ZNF385D: variants seen among roughly 807,000 people sequenced by gnomAD.
ZNF385D encodes zinc finger protein 385D, also known as zinc finger protein 659.
ZNF385D carries 15 observed loss-of-function variants against 35.8 expected under a neutral mutation model. The ratio of observed to expected loss-of-function variants is 0.42; its 90% confidence interval spans 0.28 to 0.64. ZNF385D has a LOEUF of 0.64. Ranked by LOEUF, ZNF385D falls within the 30% of genes least tolerant of loss-of-function variation. The pLI is 0.23. For synonymous variants in ZNF385D, 212 were observed against 186.8 expected (o/e 1.13, Z -1.10); for missense variants, 474 against 494.6 (o/e 0.96, Z 0.39).
chr3:22,162,527 A>G (rs1706028521), intron 3 of ZNF385D, among the ~76,000 whole-genome samples: 1 of 152,156 alleles, frequency 6.6e-6, no homozygotes, highest in African/African-American at 2.4e-5. Flanking sequence ...TTCTGAGGGC[A>G]GCTCTGAGTT....
At chr3:22,238,000 C>G (rs1225526774) in intron 2 of ZNF385D, among the ~76,000 whole-genome samples, 1 of 150,826 alleles carries the variant, frequency 6.6e-6, no homozygotes, top group Non-Finnish European at 1.5e-5. Flanking sequence ...AGGTAGGGGT[C>G]CAACTTTATT....
chr3:22,014,285 C>G (rs801479), intron 3 of ZNF385D, among the ~76,000 whole-genome samples: 124,206 of 152,046 alleles, frequency 0.82, 51,877 homozygotes, highest in African/African-American at 0.95. Context: ...GACTGAATCA[C>G]TGTATGGGAA....
chr3:21,761,869 CTTTTTTTTTTTTT>C (rs58790934), intron 3 of ZNF385D, among the ~76,000 whole-genome samples: 2 of 77,188 alleles, frequency 2.6e-5, no homozygotes, highest in Admixed American at 1.9e-4. Flanking sequence ...CATTTTCTTC[CTTTTTTTTTTTTT>C]TTTTTTTTTT....
intron 2 of ZNF385D, among the ~76,000 whole-genome samples, chr3:22,240,201 A>AG (rs1553635045): frequency 0.011 from 1,332 of 120,974 alleles, 121 homozygotes; most frequent in African/African-American, 0.026. Flanking sequence ...AAAAAAAAAA[A>AG]AAGATTTCAG....
At chr3:22,184,089 T>C (rs996431802) in intron 2 of ZNF385D, among the ~76,000 whole-genome samples, 2 of 152,128 alleles carry the variant, frequency 1.3e-5, no homozygotes, top group African/African-American at 2.4e-5. Flanking sequence ...TTACTTACAG[T>C]AGTGGTACAA....
At chr3:22,094,410 A>ATATATAT (rs1386186822) in intron 3 of ZNF385D, among the ~76,000 whole-genome samples, 4 of 83,418 alleles carry the variant, frequency 4.8e-5, no homozygotes, top group African/African-American at 1.6e-4. Context: ...ATATATATAT[A>ATATATAT]AAGGCATTTG....
At chr3:21,524,827 AG>A (rs1708126855) in intron 3 of ZNF385D, among the ~76,000 whole-genome samples, 1 of 152,344 alleles carries the variant, frequency 6.6e-6, no homozygotes, top group South Asian at 2.1e-4. Context: ...GTATTAATCA[AG>A]GGCTGACTAT....
At chr3:22,130,744 T>G (rs1703737092) in intron 3 of ZNF385D, among the ~76,000 whole-genome samples, 1 of 152,168 alleles carries the variant, frequency 6.6e-6, no homozygotes, top group Non-Finnish European at 1.5e-5. Context: ...TTCCTGCTTC[T>G]TTCCTTGATA....
intron 2 of ZNF385D, among the ~76,000 whole-genome samples, chr3:22,283,666 G>A (rs949903138): frequency 3.3e-5 from 5 of 152,054 alleles, no homozygotes; most frequent in South Asian, 4.1e-4. Context: ...CTGAAATCAC[G>A]GGTAATAGTA....
intron 3 of ZNF385D, among the ~76,000 whole-genome samples, chr3:21,949,061 T>C (rs1005375830): frequency 1.2e-4 from 18 of 152,346 alleles, no homozygotes; most frequent in Non-Finnish European, 2.2e-4. Flanking sequence ...TTAACTTACA[T>C]GTATTTAGTT....
At chr3:22,257,870 T>G (rs1041797822) in intron 2 of ZNF385D, among the ~76,000 whole-genome samples, 1 of 151,856 alleles carries the variant, frequency 6.6e-6, no homozygotes, top group Non-Finnish European at 1.5e-5. Flanking sequence ...TTGTATCAAG[T>G]TATTTTCTAG....
At chr3:22,103,133 ATAT>A (rs1385110183) in intron 3 of ZNF385D, among the ~76,000 whole-genome samples, 1 of 151,600 alleles carries the variant, frequency 6.6e-6, no homozygotes, top group Non-Finnish European at 1.5e-5. Context: ...AATAAGATGG[ATAT>A]TAGTATTTTC....
At chr3:21,634,811 GCTTA>G (rs1237064442) in intron 2 of ZNF385D, among the ~76,000 whole-genome samples, 1 of 150,272 alleles carries the variant, frequency 6.7e-6, no homozygotes, top group Admixed American at 6.6e-5. Flanking sequence ...CTATGATTTG[GCTTA>G]CTCTTTTTTT....
intron 4 of ZNF385D, among the ~76,000 whole-genome samples, chr3:21,496,712 T>C (rs1410234186): frequency 6.6e-6 from 1 of 151,598 alleles, no homozygotes; most frequent in Admixed American, 6.6e-5. Flanking sequence ...CATAATCAAA[T>C]AGGCTTTCTC....
intron 3 of ZNF385D, among the ~76,000 whole-genome samples, chr3:21,969,215 AGATACCTGATAT>A (rs1314446076): frequency 1.3e-5 from 2 of 152,144 alleles, no homozygotes; most frequent in Non-Finnish European, 2.9e-5. Context: ...AGCACCAGGT[AGATACCTGATAT>A]GTTTAGGCTT....
chr3:21,794,082 C>G (rs1027527684), intron 3 of ZNF385D, among the ~76,000 whole-genome samples: 2 of 152,138 alleles, frequency 1.3e-5, no homozygotes, highest in African/African-American at 4.8e-5. Context: ...TAAAAAACTA[C>G]TGCTGACAGT....
At chr3:21,964,181 TA>T (rs1334275838) in intron 3 of ZNF385D, among the ~76,000 whole-genome samples, 4 of 151,586 alleles carry the variant, frequency 2.6e-5, no homozygotes, top group East Asian at 1.9e-4. Flanking sequence ...TTAGCCAGGA[TA>T]AAAAAAATCA....
chr3:22,203,133 C>T (rs758902796), intron 2 of ZNF385D, among the ~76,000 whole-genome samples: 1 of 152,064 alleles, frequency 6.6e-6, no homozygotes, highest in African/African-American at 2.4e-5. Flanking sequence ...AAGATAACGT[C>T]CCCTCCACTT....
intron 3 of ZNF385D, among the ~76,000 whole-genome samples, chr3:22,050,147 T>C (rs1425565989): frequency 1.3e-5 from 2 of 151,814 alleles, no homozygotes; most frequent in African/African-American, 2.4e-5. Context: ...ATGAGGATTG[T>C]TTGAGCCCAG....
Sources: allele counts gnomAD v4.1 joint callset (sites outside exome capture counted in the v4.1 genomes callset), GRCh38; gene constraint gnomAD v4.1.1; transcripts MANE v1.5; gene names NCBI Gene and HGNC (gene_info 2026-07-23, HGNC 2026-07-21).